Variants in MITF observed in about 807,000 individuals in gnomAD.
MITF encodes microphthalmia-associated transcription factor.
A neutral mutation model predicts 60.5 loss-of-function variants in MITF; 17 were observed. The ratio of observed to expected loss-of-function variants is 0.28; its 90% confidence interval spans 0.19 to 0.42. The LOEUF (loss-of-function observed/expected upper bound fraction) is 0.42, where lower values mean the gene tolerates loss of function less well. Among genes scored for constraint, MITF ranks in the 10% least tolerant of loss-of-function variants. MITF has a pLI of 1.00. For synonymous variants in MITF, 260 were observed against 248.5 expected, an observed-to-expected ratio of 1.05 and a Z score of -0.43; for missense variants, 622 against 683.5, an observed-to-expected ratio of 0.91 and a Z score of 1.00.
chr3:69,875,870 A>G (rs2064342090), intron 1 of MITF, among the ~76,000 whole-genome samples: 1 of 152,242 alleles, frequency 6.6e-6, no homozygotes, highest in Non-Finnish European at 1.5e-5. Flanking sequence ...CACAATGTGG[A>G]AATATCCCGC....
chr3:69,822,699 T>C (rs1006216017), intron 1 of MITF, among the ~76,000 whole-genome samples: 4 of 152,226 alleles, frequency 2.6e-5, no homozygotes, highest in African/African-American at 9.6e-5. Flanking sequence ...CACTATGGAA[T>C]GGTGACTAAG....
chr3:69,829,119 C>T (rs1321321659), intron 1 of MITF, among the ~76,000 whole-genome samples: 1 of 152,060 alleles, frequency 6.6e-6, no homozygotes, highest in African/African-American at 2.4e-5. Context: ...GTCTGTTGGA[C>T]CTAATAATAC....
chr3:69,964,263 C>T (rs576078090), intron 9 of MITF, among the ~76,000 whole-genome samples: 10 of 152,158 alleles, frequency 6.6e-5, no homozygotes, highest in East Asian at 1.9e-4. Context: ...TTTATCAGCT[C>T]GCATTTAAAA....
chr3:69,912,572 G>C (rs2065247600), intron 2 of MITF, among the ~76,000 whole-genome samples: 1 of 152,078 alleles, frequency 6.6e-6, no homozygotes, highest in Non-Finnish European at 1.5e-5. Context: ...TTTAGGACAG[G>C]AACTTTGCCT....
rs1322890468 is a variant in MITF, at chr3:69,739,557, G to GT, written c.-39dup. 2 of 1,529,284 alleles carry GT rather than the reference G, an allele frequency of 1.3e-6. No individual in the cohort carries two copies. The highest frequency in any genetic ancestry group is 1.2e-5 in the South Asian group (1 of 83,740). 94.7% of individuals were successfully genotyped at this position (1,529,284 alleles called of 1,614,324 possible). On this transcript the variant is annotated 5_prime_UTR_variant, in exon 1 of 10. Transcript: ENST00000352241. Reference sequence around the variant, plus strand: ...TACCTTCCCTCCGCCCCCGGGCTCTGTTCTCACTTTCCAGCAGTGGAAGGA... The same window carrying GT: ...TACCTTCCCTCCGCCCCCGGGCTCTGTTTCTCACTTTCCAGCAGTGGAAGGA...
chr3:69,929,563 AG>A (rs1329021935), intron 2 of MITF, among the ~76,000 whole-genome samples: 1 of 152,146 alleles, frequency 6.6e-6, no homozygotes, highest in Non-Finnish European at 1.5e-5. Context: ...GCATTGATGT[AG>A]GGACTTCTAG....
chr3:69,883,232 C>G (rs961762749), intron 2 of MITF, among the ~76,000 whole-genome samples: 4 of 152,118 alleles, frequency 2.6e-5, no homozygotes, highest in African/African-American at 9.7e-5. Context: ...GCAAATTGCT[C>G]TGTAATTAGT....
At position 69,967,150 on chromosome 3, in the gene MITF, T is replaced by C. The variant is rs1048771333; in HGVS notation, c.*1902T>C. On this transcript the variant is annotated 3_prime_UTR_variant, in exon 10 of 10. Transcript: ENST00000352241. ...CAGATGTGTGAATGGACGGTTTAGG[T>C]GAAAATAATCAACTGCATAGTTCCC... 3 of 232,538 alleles carry C rather than the reference T, an allele frequency of 1.3e-5. No individual in the cohort carries two copies. Among genetic ancestry groups the C allele is most frequent in the Non-Finnish European group, 2.6e-5 (3 of 117,358 alleles). 14.4% of individuals were successfully genotyped at this position (232,538 alleles called of 1,614,324 possible). A position where few individuals can be genotyped will look rare whatever the true frequency, so the allele number is the denominator to read the frequency against.
At chr3:69,816,625 C>T (rs777136673) in intron 1 of MITF, among the ~76,000 whole-genome samples, 3 of 152,168 alleles carry the variant, frequency 2.0e-5, no homozygotes, top group Non-Finnish European at 4.4e-5. Context: ...TGGTTCCCAG[C>T]ATTTGCTAAG....
chr3:69,819,678 G>A (rs1281081422), intron 1 of MITF, among the ~76,000 whole-genome samples: 1 of 151,992 alleles, frequency 6.6e-6, no homozygotes, highest in Admixed American at 6.6e-5. Flanking sequence ...CATGAGACTG[G>A]GTGCCATGGC....
chr3:69,832,069 A>C (rs968272293), intron 1 of MITF, among the ~76,000 whole-genome samples: 10 of 152,332 alleles, frequency 6.6e-5, no homozygotes, highest in African/African-American at 2.4e-4. Flanking sequence ...CTACTGCTAC[A>C]TAACAAATCA....
At chr3:69,815,999 G>A (rs993623792) in intron 1 of MITF, among the ~76,000 whole-genome samples, 9 of 152,152 alleles carry the variant, frequency 5.9e-5, no homozygotes, top group African/African-American at 9.7e-5. Flanking sequence ...CACTCCTGGT[G>A]TTTAAAGAAG....
At chr3:69,788,043 G>C (rs187128781) in intron 1 of MITF, among the ~76,000 whole-genome samples, 12 of 152,094 alleles carry the variant, frequency 7.9e-5, no homozygotes, top group Middle Eastern at 3.4e-3. Flanking sequence ...GGTTCACAAG[G>C]CTGCATAGAC....
intron 1 of MITF, among the ~76,000 whole-genome samples, chr3:69,756,175 T>C (rs917731312): frequency 6.6e-6 from 1 of 152,124 alleles, no homozygotes; most frequent in Non-Finnish European, 1.5e-5. Flanking sequence ...TGCAGGTTTG[T>C]TACATAAGTA....
chr3:69,865,185 T>TAA (rs147682169), intron 1 of MITF, among the ~76,000 whole-genome samples: 1 of 151,300 alleles, frequency 6.6e-6, no homozygotes, highest in African/African-American at 2.4e-5. Flanking sequence ...AGAGGGAAGT[T>TAA]AAAAAAAAAG....
In MITF at chr3:69,756,332, G is replaced by A. The variant is rs554015403; in HGVS notation, c.104+16631G>A. Among the ~76,000 whole-genome samples, 11 of 152,088 alleles carry A rather than the reference G, an allele frequency of 7.2e-5. No individual in the cohort carries two copies. In the East Asian group the frequency reaches 1.2e-3, roughly 16 times the overall value. ...TGGTGTGTGATGTTCCCCTCCCTGT[G>A]TCCATGTGTTCTCATTGTTCAACTC... is the stretch of plus-strand genomic sequence containing the variant. On this transcript the variant is annotated intron_variant, in intron 1 of 9. Transcript: ENST00000352241.
chr3:69,810,766 T>A (rs1245253584), intron 1 of MITF, among the ~76,000 whole-genome samples: 1 of 152,188 alleles, frequency 6.6e-6, no homozygotes, highest in Non-Finnish European at 1.5e-5. Flanking sequence ...ACGAAGCATC[T>A]GCAGTGTACA....
intron 1 of MITF, among the ~76,000 whole-genome samples, chr3:69,818,080 G>A (rs1439648560): frequency 6.6e-6 from 1 of 152,192 alleles, no homozygotes; most frequent in Non-Finnish European, 1.5e-5. Flanking sequence ...GCAGTATGAA[G>A]TTTGAATATT....
At chr3:69,958,332 A>G (rs1331644524) in intron 8 of MITF, among the ~76,000 whole-genome samples, 2 of 152,170 alleles carry the variant, frequency 1.3e-5, no homozygotes, top group Non-Finnish European at 2.9e-5. Context: ...ATCTCAGGAC[A>G]TTCCCCTGGG....
Sources: allele counts gnomAD v4.1 joint callset (sites outside exome capture counted in the v4.1 genomes callset), GRCh38; gene constraint gnomAD v4.1.1; transcripts MANE v1.5; gene names NCBI Gene and HGNC (gene_info 2026-07-23, HGNC 2026-07-21).